Variants in LRP2 observed in about 807,000 individuals in gnomAD.
LRP2 encodes the protein LDL receptor related protein 2, also known as low-density lipoprotein receptor-related protein 2.
LRP2 carries 172 observed loss-of-function variants against 531.0 expected under a neutral mutation model. That is an observed-to-expected ratio of 0.32 (90% CI 0.29 to 0.37). LRP2 has a LOEUF of 0.37. Among genes scored for constraint, LRP2 ranks in the 10% least tolerant of loss-of-function variants. The pLI is 1.00. For synonymous variants in LRP2, 1,992 were observed against 2,027.6 expected (o/e 0.98, Z 0.47); for missense variants, 5,167 against 5,868.3 (o/e 0.88, Z 3.90).
chr2:169,339,350 T>C (rs978149533), intron 1 of LRP2, among the ~76,000 whole-genome samples: 3 of 152,130 alleles, frequency 2.0e-5, no homozygotes, highest in East Asian at 3.8e-4. Context: ...AACAACAACA[T>C]ATCCATATTC....
intron 31 of LRP2, among the ~76,000 whole-genome samples, chr2:169,227,643 C>A (rs1041117931): frequency 6.6e-6 from 1 of 152,090 alleles, no homozygotes; most frequent in African/African-American, 2.4e-5. Context: ...TTTTTATAAT[C>A]CGGGAAGCTT....
rs372285630 is a variant in LRP2 at position 169,316,286 on chromosome 2, A to G, written c.310+2476T>C. Reference sequence around the variant, plus strand: ...AGTGAAAAAGAGGAAGGAATCAAGAATAACCTCCAAGTTTCTAGCGTGGGT... The same window carrying G: ...AGTGAAAAAGAGGAAGGAATCAAGAGTAACCTCCAAGTTTCTAGCGTGGGT... On this transcript the variant is annotated intron_variant, in intron 3 of 78. Coordinates refer to ENST00000649046, the MANE Select transcript of LRP2 (RefSeq NM_004525.3). Among the ~76,000 whole-genome samples, 9 of 152,296 alleles carry G rather than the reference A, an allele frequency of 5.9e-5. No homozygotes were observed. In the East Asian group the frequency reaches 1.2e-3, roughly 20 times the overall value.
intron 75 of LRP2, among the ~76,000 whole-genome samples, chr2:169,138,339 T>C (rs556961385): frequency 6.6e-6 from 1 of 152,270 alleles, no homozygotes; most frequent in African/African-American, 2.4e-5. Context: ...CTTCAGACTG[T>C]TCATGATTCC....
At chr2:169,191,226 T>C (rs1372676592) in intron 48 of LRP2, among the ~76,000 whole-genome samples, 2 of 152,224 alleles carry the variant, frequency 1.3e-5, no homozygotes, top group Admixed American at 6.5e-5. Context: ...GTTGGAGACA[T>C]TGTCTCAGTT....
In LRP2 at chr2:169,273,516, A is replaced by C. The variant is rs1683477023; in HGVS notation, c.1976-449T>G. On this transcript the variant is annotated intron_variant, in intron 14 of 78. Transcript: ENST00000649046. ...AAGTATTAGTCCTCCAATTTTACAGAGGAGAAACCAAGAATCTAAACAGTT... is the reference window on the plus strand; with the variant it reads ...AAGTATTAGTCCTCCAATTTTACAGCGGAGAAACCAAGAATCTAAACAGTT... Among the ~76,000 whole-genome samples the C allele has an allele frequency of 2.0e-5, 3 of 152,186 alleles. No homozygotes were observed. The South Asian group carries it at 6.2e-4, about 31-fold the overall frequency.
At chr2:169,347,287 C>G (rs1358490176) in intron 1 of LRP2, among the ~76,000 whole-genome samples, 1 of 152,090 alleles carries the variant, frequency 6.6e-6, no homozygotes, top group Non-Finnish European at 1.5e-5. Flanking sequence ...GATCTTTGGC[C>G]GTAGTGAGAG....
At chr2:169,290,671 T>C (rs753063185) in intron 8 of LRP2, among the ~76,000 whole-genome samples, 174 bp downstream of exon 8, 4 of 152,156 alleles carry the variant, frequency 2.6e-5, no homozygotes, top group Non-Finnish European at 5.9e-5. Context: ...CCAGAGGAAC[T>C]ACCTAGCCAA....
chr2:169,139,006 C>T (rs373009154), intron 74 of LRP2, among the ~76,000 whole-genome samples: 60 of 152,220 alleles, frequency 3.9e-4, no homozygotes, highest in Non-Finnish European at 6.3e-4. Flanking sequence ...GACCTGAACA[C>T]CTACCAGTAG....
In LRP2 at chr2:169,347,957, C is replaced by T. The variant is rs117000721; in HGVS notation, c.79+14364G>A. On this transcript the variant is annotated intron_variant, in intron 1 of 78. Coordinates refer to ENST00000649046, the MANE Select transcript of LRP2 (RefSeq NM_004525.3). ...AATTAAATGAGGCTTCATTTGATTA[C>T]GTACAGAGGACTATCTTCCACTTGC... 1.8e-3 allele frequency among the ~76,000 whole-genome samples: 272 copies of T among 152,270 alleles called. 2 individuals carry two copies. In the East Asian group the frequency reaches 0.027, roughly 15 times the overall value.
At chr2:169,313,920 G>T (rs1167392045) in intron 3 of LRP2, among the ~76,000 whole-genome samples, 1 of 152,168 alleles carries the variant, frequency 6.6e-6, no homozygotes, top group Admixed American at 6.5e-5. Context: ...TATAAATGAA[G>T]TCTATTTTAG....
intron 52 of LRP2, 96 bp downstream of exon 52, chr2:169,181,352 G>T: frequency 7.9e-7 from 1 of 1,259,502 alleles, no homozygotes; most frequent in Non-Finnish European, 1.1e-6. Context: ...AGACAGGCCA[G>T]TTAGACAATA....
At chr2:169,234,081 A>G (rs575508311) in intron 29 of LRP2, among the ~76,000 whole-genome samples, 92 of 152,190 alleles carry the variant, frequency 6.0e-4, no homozygotes, top group Admixed American at 4.6e-4. Context: ...CCTTCAAGTC[A>G]CAGCAACTAT....
In LRP2 at chr2:169,220,580, C is replaced by T; in HGVS notation, c.5539-17G>A. 9.2e-6 allele frequency: 14 copies of T among 1,529,958 alleles called. No individual in the cohort carries two copies. The highest frequency in any genetic ancestry group is 1.3e-5 in the Non-Finnish European group (14 of 1,106,368). 94.8% of individuals were successfully genotyped at this position (1,529,958 alleles called of 1,614,324 possible). On this transcript the variant is annotated splice_polypyrimidine_tract_variant and intron_variant, in intron 33 of 78. Coordinates refer to ENST00000649046, the MANE Select transcript of LRP2 (RefSeq NM_004525.3). ...TGTCAAAACCTATAGCATAAAATCACTTATTAGAACTGACTTTCATAAGGG... is the reference window on the plus strand; with the variant it reads ...TGTCAAAACCTATAGCATAAAATCATTTATTAGAACTGACTTTCATAAGGG...
intron 1 of LRP2, among the ~76,000 whole-genome samples, chr2:169,339,496 G>A (rs1337476685): frequency 2.0e-5 from 3 of 152,058 alleles, no homozygotes; most frequent in Non-Finnish European, 4.4e-5. Context: ...TATTTCTCTG[G>A]TTGATACTAG....
chr2:169,141,088 C>G (rs1685703408), intron 71 of LRP2, among the ~76,000 whole-genome samples: 1 of 152,212 alleles, frequency 6.6e-6, no homozygotes, highest in Non-Finnish European at 1.5e-5. Context: ...CTGCTCCCAG[C>G]TAGGCCTGTA....
intron 16 of LRP2, among the ~76,000 whole-genome samples, chr2:169,260,186 A>G (rs745353599): frequency 6.6e-6 from 1 of 152,128 alleles, no homozygotes; most frequent in Admixed American, 6.5e-5. Context: ...AAGGTAATTC[A>G]TAGTGAGGTG....
At chr2:169,207,382 T>C (rs527909281) in intron 38 of LRP2, 132 bp from the exon 39 acceptor site, 31 of 703,328 alleles carry the variant, frequency 4.4e-5, no homozygotes, top group Admixed American at 2.2e-4. Flanking sequence ...TCCAAGATGA[T>C]AGTGTCCCAG....
At chr2:169,277,445 A>C (rs1475557252) in intron 13 of LRP2, among the ~76,000 whole-genome samples, 1 of 152,146 alleles carries the variant, frequency 6.6e-6, no homozygotes, top group Non-Finnish European at 1.5e-5. Context: ...TGAACTCAGG[A>C]GTGAATGAAA....
chr2:169,282,129 C>T (rs1208623498), intron 10 of LRP2, among the ~76,000 whole-genome samples: 2 of 152,146 alleles, frequency 1.3e-5, no homozygotes, highest in Admixed American at 6.5e-5. Flanking sequence ...CACAGCAAAT[C>T]AGGTATTTCT....
Sources: allele counts gnomAD v4.1 joint callset (sites outside exome capture counted in the v4.1 genomes callset), GRCh38; gene constraint gnomAD v4.1.1; transcripts MANE v1.5; gene names NCBI Gene and HGNC (gene_info 2026-07-23, HGNC 2026-07-21).